Variants in GOLGA4 observed in about 807,000 individuals in gnomAD.
GOLGA4 encodes the protein golgin subfamily A member 4.
A neutral mutation model predicts 265.9 loss-of-function variants in GOLGA4; 169 were observed. The ratio of observed to expected loss-of-function variants is 0.64; its 90% confidence interval spans 0.56 to 0.72. GOLGA4 has a LOEUF of 0.72. Among genes scored for constraint, GOLGA4 ranks in the 30% least tolerant of loss-of-function variants. The pLI is 0.00. For synonymous variants in GOLGA4, 923 were observed against 855.8 expected (o/e 1.08, Z -1.37); for missense variants, 2,482 against 2,483.4 (o/e 1.00, Z 0.01).
chr3:37,325,262 G>A lies in GOLGA4; in HGVS notation c.3376G>A (p.Ala1126Thr). 6.2e-7 allele frequency: 1 copy of A among 1,613,344 alleles called. No homozygotes were observed. Among genetic ancestry groups the A allele is most frequent in the Non-Finnish European group, 8.5e-7 (1 of 1,179,626 alleles). ...KQKSAHVNSL[A>T]QDETKLKAHL... Reference sequence around the variant, plus strand: ...GAAGTCTGCCCATGTGAATTCTCTTGCACAAGATGAAACTAAACTGAAAGC... The same window carrying A: ...GAAGTCTGCCCATGTGAATTCTCTTACACAAGATGAAACTAAACTGAAAGC... The change falls in exon 14 of 24, where the codon GCA (alanine) becomes ACA (threonine). Residue 1126 changes from alanine to threonine, a missense_variant. By Grantham distance (58) the Ala-to-Thr change is moderately conservative. Coordinates refer to ENST00000361924, the MANE Select transcript of GOLGA4 (RefSeq NM_002078.5).
At chr3:37,347,776 A>G (rs1416008680) in intron 21 of GOLGA4, among the ~76,000 whole-genome samples, 1 of 152,192 alleles carries the variant, frequency 6.6e-6, no homozygotes, top group Non-Finnish European at 1.5e-5. Context: ...AAATTACCCC[A>G]TGTAAGTAAT....
intron 10 of GOLGA4, 23 bp from the exon 11 acceptor site, chr3:37,315,397 G>A: frequency 1.3e-6 from 2 of 1,589,542 alleles, no homozygotes; most frequent in East Asian, 4.5e-5. Flanking sequence ...TGAGATACTT[G>A]TTTTCTGTTG....
chr3:37,323,510 G>A, intron 13 of GOLGA4, 78 bp from the exon 14 acceptor site: 1 of 789,288 alleles, frequency 1.3e-6, no homozygotes, highest in Admixed American at 2.5e-5. Context: ...CAGGTAGGTG[G>A]TAGACATCAT....
rs775006805 is a variant in GOLGA4, at chr3:37,302,253, T to C, written c.1155T>C (p.Ala385=). The change falls in exon 10 of 24, where the codon GCT becomes GCC. Residue 385 remains alanine (A), a synonymous_variant. Coordinates refer to ENST00000361924, the MANE Select transcript of GOLGA4 (RefSeq NM_002078.5). ...ETLEMKEEEI[A]QLRSRIKQMT... ...TGGAAATGAAAGAAGAAGAAATTGCTCAACTCCGTAGTCGCATCAAACAGA... is the reference window on the plus strand; with the variant it reads ...TGGAAATGAAAGAAGAAGAAATTGCCCAACTCCGTAGTCGCATCAAACAGA... The C allele has an allele frequency of 2.5e-6, 4 of 1,612,918 alleles. No individual in the cohort carries two copies. Among genetic ancestry groups the C allele is most frequent in the African/African-American group, 1.3e-5 (1 of 74,886 alleles).
At chr3:37,255,898 A>G (rs901153738) in intron 2 of GOLGA4, among the ~76,000 whole-genome samples, 3 of 152,148 alleles carry the variant, frequency 2.0e-5, no homozygotes, top group Admixed American at 1.3e-4. Context: ...GATTACAGGC[A>G]TGAGTCACCG....
intron 6 of GOLGA4, among the ~76,000 whole-genome samples, chr3:37,295,683 G>C (rs1478348579): frequency 6.6e-6 from 1 of 152,126 alleles, no homozygotes. Context: ...TCCTCTCTCT[G>C]TTTTAAATAA....
chr3:37,253,152 G>T (rs1488813573), intron 2 of GOLGA4, among the ~76,000 whole-genome samples: 1 of 151,934 alleles, frequency 6.6e-6, no homozygotes, highest in Admixed American at 6.6e-5. Context: ...AGCTACTCAG[G>T]AGGCTAAGGC....
Position 37,278,687 on chromosome 3 carries a change from T to G in GOLGA4, c.163-3271T>G, listed in dbSNP as rs180681089. On this transcript the variant is annotated intron_variant, in intron 2 of 23. Transcript: ENST00000361924. ...TTTGCACTTTCTTAAATATTACAGATATTTTCTTAAAAAGTGATAAAAATG... is the reference window on the plus strand; with the variant it reads ...TTTGCACTTTCTTAAATATTACAGAGATTTTCTTAAAAAGTGATAAAAATG... 2.6e-5 allele frequency among the ~76,000 whole-genome samples: 4 copies of G among 152,354 alleles called. No homozygotes were observed. The East Asian group carries it at 7.7e-4, about 29-fold the overall frequency.
rs981788796 is a variant in GOLGA4, at chr3:37,359,123, C to G, written c.6664-2120C>G. On this transcript the variant is annotated intron_variant, in intron 22 of 23. Transcript: ENST00000361924. ...TTTCCTAGAACAGCTTTTTTTCCCT[C>G]CTCTCAATTTTTAGTTTACTATACC... Among the ~76,000 whole-genome samples, 31 of 152,106 alleles carry G rather than the reference C, an allele frequency of 2.0e-4. 1 individual carries two copies. The highest frequency in any genetic ancestry group is 2.9e-5 in the Non-Finnish European group (2 of 68,022).
intron 2 of GOLGA4, chr3:37,266,771 A>T (rs73059487): frequency 0.33 from 221,898 of 662,690 alleles, 41,786 homozygotes; most frequent in Non-Finnish European, 0.4. Flanking sequence ...ACTTTGCAAC[A>T]TGCCATTATG....
intron 2 of GOLGA4, among the ~76,000 whole-genome samples, chr3:37,264,590 G>A (rs1454113619): frequency 6.6e-6 from 1 of 152,138 alleles, no homozygotes; most frequent in Non-Finnish European, 1.5e-5. Context: ...TAACTCTGCA[G>A]TACTGAGTGA....
intron 3 of GOLGA4, among the ~76,000 whole-genome samples, chr3:37,282,648 T>C (rs2096837936): frequency 6.6e-6 from 1 of 152,236 alleles, no homozygotes; most frequent in Admixed American, 6.5e-5. Context: ...GGCTCCAAAA[T>C]GACCTCATCT....
chr3:37,281,629 C>T (rs1275295034), intron 2 of GOLGA4, among the ~76,000 whole-genome samples: 1 of 152,116 alleles, frequency 6.6e-6, no homozygotes, highest in Non-Finnish European at 1.5e-5. Flanking sequence ...GTGGATGAAT[C>T]CTCACAATAC....
intron 16 of GOLGA4, among the ~76,000 whole-genome samples, chr3:37,330,102 A>G (rs1170484406): frequency 6.6e-6 from 1 of 151,888 alleles, no homozygotes; most frequent in Non-Finnish European, 1.5e-5. Context: ...TTATACTTCC[A>G]TAGAGGATAT....
intron 22 of GOLGA4, among the ~76,000 whole-genome samples, chr3:37,357,000 T>C (rs1276712765): frequency 6.6e-6 from 1 of 152,146 alleles, no homozygotes; most frequent in Non-Finnish European, 1.5e-5. Flanking sequence ...TTTGGTTGAT[T>C]TGCTTTGATG....
chr3:37,357,486 G>A (rs888182624), intron 22 of GOLGA4, among the ~76,000 whole-genome samples: 3 of 152,086 alleles, frequency 2.0e-5, no homozygotes, highest in Non-Finnish European at 2.9e-5. Context: ...TAATAAAAAT[G>A]GTGCTTAGGA....
chr3:37,308,251 A>C (rs1298797844), intron 10 of GOLGA4, among the ~76,000 whole-genome samples: 1 of 151,704 alleles, frequency 6.6e-6, no homozygotes, highest in East Asian at 1.9e-4. Flanking sequence ...AAAAACGAAC[A>C]AAAAGAAAAA....
chr3:37,346,775 A>G (rs1407948563), intron 20 of GOLGA4, among the ~76,000 whole-genome samples: 1 of 152,218 alleles, frequency 6.6e-6, no homozygotes, highest in Non-Finnish European at 1.5e-5. Flanking sequence ...CTCTCCTAGT[A>G]GTACACGAGT....
At position 37,309,711 on chromosome 3, in the gene GOLGA4, C is replaced by T. The variant is rs1349724727; in HGVS notation, c.1235-5709C>T. On this transcript the variant is annotated intron_variant, in intron 10 of 23. Transcript: ENST00000361924. Reference sequence around the variant, plus strand: ...GTTTTACATTTTTGTTATCTCATTGCTTGGCTTAATAAAATGCAGCTGGAT... The same window carrying T: ...GTTTTACATTTTTGTTATCTCATTGTTTGGCTTAATAAAATGCAGCTGGAT... Among the ~76,000 whole-genome samples the T allele has an allele frequency of 2.0e-5, 3 of 152,174 alleles. No homozygotes were observed. In the East Asian group the frequency reaches 5.8e-4, roughly 29 times the overall value.
Sources: allele counts gnomAD v4.1 joint callset (sites outside exome capture counted in the v4.1 genomes callset), GRCh38; gene constraint gnomAD v4.1.1; transcripts MANE v1.5; gene names NCBI Gene and HGNC (gene_info 2026-07-23, HGNC 2026-07-21).